The following TTC9C variants were observed in gnomAD, a reference collection of about 807,000 sequenced individuals.
TTC9C encodes tetratricopeptide repeat domain 9C.
TTC9C carries 15 observed loss-of-function variants against 22.5 expected under a neutral mutation model. The ratio of observed to expected loss-of-function variants is 0.67; its 90% CI spans 0.45 to 1.03. TTC9C has a LOEUF of 1.03. Among genes scored for constraint, TTC9C ranks in the 50% least tolerant of loss-of-function variants. The pLI is 0.00. For missense variants in TTC9C, 244 were observed against 214.6 expected (o/e 1.14, Z -0.86); for synonymous variants, 92 against 86.8 (o/e 1.06, Z -0.33).
At position 62,735,458 on chromosome 11, in the gene TTC9C, T is replaced by C. The variant is rs2083900261; in HGVS notation, c.315T>C (p.Pro105=). Residue 105 remains proline (P), a synonymous_variant, in exon 2 of 3, where the codon CCT becomes CCC. Transcript: ENST00000316461. ...EYSQKVLERQ[P]DNAKALYRAG... The stretch of plus-strand genomic sequence containing the variant: ...GTCAGAAAGTCCTGGAACGACAGCC[T>C]GATAATGCCAAGGCCTTGTATCGGG... 1.9e-6 allele frequency: 3 copies of C among 1,614,004 alleles called. No homozygotes were observed. Among genetic ancestry groups the C allele is most frequent in the Non-Finnish European group, 8.5e-7 (1 of 1,180,016 alleles).
chr11:62,736,394 AC>A (rs1207768840), intron 2 of TTC9C, among the ~76,000 whole-genome samples: 1 of 151,840 alleles, frequency 6.6e-6, no homozygotes, highest in African/African-American at 2.4e-5. Context: ...AAATAAAAAT[AC>A]AAAAATCAGC....
intron 1 of TTC9C, among the ~76,000 whole-genome samples, chr11:62,729,567 T>A (rs1398392274): frequency 7.0e-6 from 1 of 141,950 alleles, no homozygotes; most frequent in African/African-American, 2.8e-5. Flanking sequence ...CACGCCCAGC[T>A]AATTTTTTTT....
In TTC9C at chr11:62,731,513, CTT is replaced by C. The variant is rs564664479; in HGVS notation, c.238+2428_238+2429del. ...TCTGGAAACTGAGGTGGGCCAATGT[CTT>C]GAGCATGGGAGGCCGGGGCTGCAGT... On this transcript the variant is annotated intron_variant, in intron 1 of 2. Transcript: ENST00000316461. Among the ~76,000 whole-genome samples, 108 of 152,164 alleles carry C rather than the reference CTT, an allele frequency of 7.1e-4. No homozygotes were observed. The South Asian group carries it at 0.014, about 20-fold the overall frequency.
Position 62,728,528 on chromosome 11 carries a change from G to C in TTC9C, c.-321G>C. On this transcript the variant is annotated 5_prime_UTR_variant, in exon 1 of 3. Transcript: ENST00000316461. ...CACGCCCGCAACAATTCCTGAGTAG[G>C]GCCTTGCTTGAGTTCTTCGGAAAGT... 2.0e-6 allele frequency: 1 copy of C among 500,874 alleles called. No homozygotes were observed. The highest frequency in any genetic ancestry group is 2.3e-5 in the Admixed American group (1 of 43,750). The allele number at this position is 500,874 out of a possible 1,614,324, so 31.0% of individuals were successfully genotyped here.
intron 1 of TTC9C, among the ~76,000 whole-genome samples, chr11:62,729,722 T>G (rs2083824332): frequency 6.6e-6 from 1 of 151,830 alleles, no homozygotes; most frequent in African/African-American, 2.4e-5. Flanking sequence ...ATTACAGGCA[T>G]GCGCCACCAT....
intron 1 of TTC9C, among the ~76,000 whole-genome samples, chr11:62,732,705 G>A (rs2083866364): frequency 6.6e-6 from 1 of 152,012 alleles, no homozygotes; most frequent in Admixed American, 6.6e-5. Context: ...CAGATCACGA[G>A]GTCAGGAGAT....
At chr11:62,735,713 C>A (rs374096015) in intron 2 of TTC9C, 149 bp downstream of exon 2, 11 of 1,353,580 alleles carry the variant, frequency 8.1e-6, no homozygotes, top group Non-Finnish European at 9.7e-6. Flanking sequence ...AAAAAGTATA[C>A]GATGAACAGA....
In TTC9C at chr11:62,738,344, A is replaced by T; in HGVS notation, c.478A>T (p.Arg160Ter). The T allele has an allele frequency of 6.2e-7, 1 of 1,613,194 alleles. No individual in the cohort carries two copies. The highest frequency in any genetic ancestry group is 8.5e-7 in the Non-Finnish European group (1 of 1,179,492). ...ACAGTCAGAACTCAGCAGCTACCAT[A>T]GAAAAGAGAAGCAGCTCTACCTGGG... ...LTQSELSSYH[R>*]KEKQLYLGMF... The change falls in exon 3 of 3, where the codon AGA becomes TGA. Residue 160 changes from arginine to a stop codon, truncating the protein, a stop_gained. Transcript: ENST00000316461. LOFTEE classifies it high-confidence loss of function.
chr11:62,728,419 C>T (rs763810348), upstream of TTC9C: 4 of 429,536 alleles, frequency 9.3e-6, no homozygotes, highest in Non-Finnish European at 1.9e-5. Flanking sequence ...AGTTTTAGCA[C>T]TAGTCCCGCC....
At chr11:62,730,693 C>T (rs1477430661) in intron 1 of TTC9C, among the ~76,000 whole-genome samples, 1 of 152,160 alleles carries the variant, frequency 6.6e-6, no homozygotes, top group Non-Finnish European at 1.5e-5. Context: ...CCTTCCTCAG[C>T]CTCCCAAGTA....
chr11:62,728,925 A>AC lies in TTC9C; in HGVS notation c.77_78insC (p.Ala27CysfsTer4). 6.2e-7 allele frequency: 1 copy of AC among 1,614,188 alleles called. No homozygotes were observed. ...CGCTACCGGGAAGGGAAGTACCGAG[A>AC]TGCTGTGAGTAGGTACCATCGAGCT... On this transcript the variant is annotated frameshift_variant, in exon 1 of 3. Transcript: ENST00000316461. LOFTEE classifies it high-confidence loss of function.
intron 2 of TTC9C, among the ~76,000 whole-genome samples, chr11:62,736,696 A>G (rs961518657): frequency 1.9e-3 from 190 of 97,794 alleles, no homozygotes; most frequent in Middle Eastern, 0.011. Flanking sequence ...TCCGTCTCGG[A>G]AAAAAAAAAA....
At position 62,731,989 on chromosome 11, in the gene TTC9C, CTTTTTTT is replaced by C. The variant is rs58705402; in HGVS notation, c.238+2922_238+2928del. On this transcript the variant is annotated intron_variant, in intron 1 of 2. Transcript: ENST00000316461. Reference sequence around the variant, plus strand: ...TGTGAGCCACCGCGCCTGGTCAGCACTTTTTTTTTTTTTTTTTTTTTTTTTGAGACCA... The same window carrying C: ...TGTGAGCCACCGCGCCTGGTCAGCACTTTTTTTTTTTTTTTTTTGAGACCA... Among the ~76,000 whole-genome samples the C allele has an allele frequency of 7.9e-5, 5 of 63,228 alleles. No individual in the cohort carries two copies. In the East Asian group the frequency reaches 1.7e-3, roughly 21 times the overall value. 41.5% of individuals were successfully genotyped at this position (63,228 alleles called of 152,430 possible).
intron 1 of TTC9C, among the ~76,000 whole-genome samples, chr11:62,732,621 A>AG (rs1565171095): frequency 1.3e-5 from 2 of 149,248 alleles, no homozygotes; most frequent in Admixed American, 1.3e-4. Flanking sequence ...TCAAAAAAAA[A>AG]AAAAATTAAT....
chr11:62,729,132 CATGAACATCT>C (rs1258124774), intron 1 of TTC9C, 46 bp downstream of exon 1: 1 of 1,522,092 alleles, frequency 6.6e-7, no homozygotes, highest in South Asian at 1.1e-5. Flanking sequence ...AAGACAGGAA[CATGAACATCT>C]GTGAACATTG....
At chr11:62,730,127 G>A (rs2083830466) in intron 1 of TTC9C, among the ~76,000 whole-genome samples, 1 of 152,054 alleles carries the variant, frequency 6.6e-6, no homozygotes, top group Admixed American at 6.6e-5. Context: ...CCAAGCTGGG[G>A]TGCAATGGCA....
intron 1 of TTC9C, among the ~76,000 whole-genome samples, chr11:62,733,731 C>G (rs772150296): frequency 1.3e-5 from 2 of 151,922 alleles, no homozygotes; most frequent in South Asian, 4.2e-4. Flanking sequence ...CAGTGACTCA[C>G]GCCTGTAATC....
upstream of TTC9C, chr11:62,728,425 C>T (rs751512267): frequency 3.4e-5 from 15 of 441,090 alleles, no homozygotes; most frequent in East Asian, 1.0e-3. Context: ...AGCACTAGTC[C>T]CGCCCACTCC....
chr11:62,735,185 C>T (rs2083896348), intron 1 of TTC9C, among the ~76,000 whole-genome samples, 197 bp from the exon 2 acceptor site: 2 of 152,202 alleles, frequency 1.3e-5, no homozygotes, highest in African/African-American at 4.8e-5. Context: ...TGAGCCACTG[C>T]ACCTGGCCGA....
Sources: gnomAD v4.1 joint callset for allele counts (sites outside exome capture counted in the v4.1 genomes callset) on GRCh38, gnomAD v4.1.1 for gene constraint, MANE v1.5 for transcripts, NCBI Gene and HGNC (gene_info 2026-07-23, HGNC 2026-07-21) for gene names.